Variants in AGMO observed in about 807,000 individuals in gnomAD.
AGMO encodes the protein glyceryl-ether monooxygenase.
In AGMO, 75 loss-of-function variants were observed where a neutral mutation model predicts 60.2. The observed-to-expected ratio is 1.25, with a 90% CI of 1.03 to 1.51. AGMO has a LOEUF of 1.51. Ranked by LOEUF, AGMO falls within the 40% of genes most tolerant of loss-of-function variation. The pLI, the probability that AGMO is intolerant of heterozygous loss-of-function variation, is 0.00. For missense variants in AGMO, 763 were observed against 525.5 expected (o/e 1.45, Z -4.42); for synonymous variants, 261 against 177.1 (o/e 1.47, Z -3.76).
In AGMO at chr7:15,407,232, C is replaced by CATATATATATATATATATATATATATAT. The variant is rs60144769; in HGVS notation, c.609+11325_609+11326insATATATATATATATATATATATATATAT. Among the ~76,000 whole-genome samples the CATATATATATATATATATATATATATAT allele has an allele frequency of 2.8e-3, 368 of 131,976 alleles. 4 individuals carry two copies. Among genetic ancestry groups the CATATATATATATATATATATATATATAT allele is most frequent in the South Asian group, 5.1e-3 (20 of 3,954 alleles). The allele number at this position is 131,976 out of a possible 152,430, so 86.6% of individuals were successfully genotyped here. A position where few individuals can be genotyped will look rare whatever the true frequency, so the allele number is the denominator to read the frequency against. ...TTGAAAGGCCCCTTTCTTTGGAATA[C>CATATATATATATATATATATATATATAT]ATATATATATATATATATGTATATA... On this transcript the variant is annotated intron_variant, in intron 5 of 12. Transcript: ENST00000342526.
intron 12 of AGMO, among the ~76,000 whole-genome samples, chr7:15,230,182 C>T (rs1782217598): frequency 6.6e-6 from 1 of 152,036 alleles, no homozygotes; most frequent in Non-Finnish European, 1.5e-5. Flanking sequence ...GTAATACCAG[C>T]AGCAGCATAT....
In AGMO at chr7:15,516,496, TA is replaced by T. The variant is rs377297952; in HGVS notation, c.409+28275del. 2.8e-3 allele frequency among the ~76,000 whole-genome samples: 434 copies of T among 152,282 alleles called. 4 individuals carry two copies. The highest frequency in any genetic ancestry group is 9.8e-3 in the African/African-American group (407 of 41,558). On this transcript the variant is annotated intron_variant, in intron 3 of 12. Coordinates refer to ENST00000342526, the MANE Select transcript of AGMO (RefSeq NM_001004320.2). ...TTTTTTAGTGCACTGTTAAATGGTT[TA>T]AAAAGATGAAAAAGAAATCTGTTCC...
chr7:15,286,597 G>A (rs1784107658), intron 12 of AGMO, among the ~76,000 whole-genome samples: 1 of 152,044 alleles, frequency 6.6e-6, no homozygotes, highest in Non-Finnish European at 1.5e-5. Context: ...CAGGTATGGT[G>A]AAAGGGAATG....
the AGMO span, among the ~76,000 whole-genome samples, chr7:15,151,627 C>G: frequency 6.6e-6 from 1 of 151,886 alleles, no homozygotes; most frequent in Non-Finnish European, 1.5e-5. Context: ...GAGAAATATT[C>G]CTGGTGTTGA....
chr7:15,284,498 A>G (rs1268253170), intron 12 of AGMO, among the ~76,000 whole-genome samples: 1 of 152,064 alleles, frequency 6.6e-6, no homozygotes, highest in East Asian at 1.9e-4. Context: ...TTGGAAACGT[A>G]CAATCCTCCT....
chr7:15,381,646 T>C (rs1420636590), intron 10 of AGMO, among the ~76,000 whole-genome samples: 1 of 152,120 alleles, frequency 6.6e-6, no homozygotes, highest in African/African-American at 2.4e-5. Context: ...AGGAATACTA[T>C]TCCACCCAGC....
At chr7:15,338,718 C>G (rs954513739) in intron 12 of AGMO, among the ~76,000 whole-genome samples, 1 of 152,146 alleles carries the variant, frequency 6.6e-6, no homozygotes, top group African/African-American at 2.4e-5. Flanking sequence ...CCAAAATTGT[C>G]ATTCCACTTC....
chr7:15,119,503 A>C, the AGMO span, among the ~76,000 whole-genome samples: 9 of 151,488 alleles, frequency 5.9e-5, no homozygotes, highest in African/African-American at 2.2e-4. Context: ...TTAAATTCTA[A>C]GGTCAGTCAT....
At chr7:15,509,752 G>A (rs986568001) in intron 3 of AGMO, among the ~76,000 whole-genome samples, 1 of 152,084 alleles carries the variant, frequency 6.6e-6, no homozygotes, top group Non-Finnish European at 1.5e-5. Context: ...ATGGGCAAAG[G>A]ACCTGAATAG....
At chr7:15,321,453 T>C (rs1281797102) in intron 12 of AGMO, among the ~76,000 whole-genome samples, 1 of 152,170 alleles carries the variant, frequency 6.6e-6, no homozygotes, top group Non-Finnish European at 1.5e-5. Context: ...CATCGTCACC[T>C]TCAAATAAGA....
At chr7:15,258,174 G>A (rs1388205674) in intron 12 of AGMO, among the ~76,000 whole-genome samples, 1 of 152,128 alleles carries the variant, frequency 6.6e-6, no homozygotes, top group African/African-American at 2.4e-5. Context: ...TTAGTTATGA[G>A]CCAATATCTT....
At chr7:15,403,056 G>C (rs535549898) in intron 5 of AGMO, among the ~76,000 whole-genome samples, 11 of 151,636 alleles carry the variant, frequency 7.3e-5, no homozygotes, top group Non-Finnish European at 7.4e-5. Flanking sequence ...ACATAATTTT[G>C]TTTTCCTTTG....
intron 5 of AGMO, chr7:15,396,716 G>C (rs1042443497): frequency 6.6e-6 from 1 of 151,796 alleles, no homozygotes; most frequent in Non-Finnish European, 1.5e-5. Flanking sequence ...ACAGAGAGCT[G>C]ATTGGTCCAC....
chr7:15,551,785 CA>C (rs1193223214), intron 2 of AGMO, among the ~76,000 whole-genome samples: 3 of 151,612 alleles, frequency 2.0e-5, no homozygotes, highest in African/African-American at 7.3e-5. Context: ...ATAAAGCTAC[CA>C]ATGACTTTCC....
At chr7:15,277,625 T>C (rs1249161593) in intron 12 of AGMO, among the ~76,000 whole-genome samples, 1 of 152,188 alleles carries the variant, frequency 6.6e-6, no homozygotes, top group Non-Finnish European at 1.5e-5. Context: ...CCTTTAGCCC[T>C]GTGCACTTCT....
chr7:15,218,327 A>ATATGTGTGTG (rs1554396498), intron 12 of AGMO, among the ~76,000 whole-genome samples: 11 of 144,020 alleles, frequency 7.6e-5, no homozygotes, highest in South Asian at 6.7e-4. Flanking sequence ...TGGTGTGTGT[A>ATATGTGTGTG]TGTGTGTGTG....
intron 3 of AGMO, among the ~76,000 whole-genome samples, chr7:15,534,879 G>A (rs1784452188): frequency 1.3e-5 from 2 of 151,632 alleles, no homozygotes; most frequent in Non-Finnish European, 3.0e-5. Context: ...ATTATTTAGA[G>A]AAAACATAGT....
chr7:15,380,274 C>G (rs1783623983), intron 10 of AGMO, among the ~76,000 whole-genome samples: 1 of 152,068 alleles, frequency 6.6e-6, no homozygotes, highest in African/African-American at 2.4e-5. Flanking sequence ...ATGGTGTCAA[C>G]CCAAAAGCTT....
intron 12 of AGMO, among the ~76,000 whole-genome samples, chr7:15,257,802 T>G (rs1009718573): frequency 1.3e-5 from 2 of 152,202 alleles, no homozygotes; most frequent in African/African-American, 4.8e-5. Context: ...TCATATGTTT[T>G]CATACCACTT....
Sources: allele counts gnomAD v4.1 joint callset (sites outside exome capture counted in the v4.1 genomes callset), GRCh38; gene constraint gnomAD v4.1.1; transcripts MANE v1.5; gene names NCBI Gene and HGNC (gene_info 2026-07-23, HGNC 2026-07-21).